ARHGAP15: variants seen among roughly 807,000 people sequenced by gnomAD.
ARHGAP15 encodes Rho GTPase activating protein 15.
Under a neutral mutation model 63.7 loss-of-function variants are expected in ARHGAP15, and 51 were observed. That is an observed-to-expected ratio of 0.80 (90% CI 0.64 to 1.01). ARHGAP15 has a LOEUF of 1.01. Ranked by LOEUF, ARHGAP15 falls within the 50% of genes least tolerant of loss-of-function variation. The pLI, the probability that ARHGAP15 is intolerant of heterozygous loss-of-function variation, is 0.00. For missense variants in ARHGAP15, 560 were observed against 564.6 expected, an observed-to-expected ratio of 0.99 and a Z score of 0.08; for synonymous variants, 191 against 193.8, an observed-to-expected ratio of 0.99 and a Z score of 0.12.
intron 8 of ARHGAP15, among the ~76,000 whole-genome samples, chr2:143,474,512 A>G (rs1691724103): frequency 6.6e-6 from 1 of 152,222 alleles, no homozygotes; most frequent in South Asian, 2.1e-4. Context: ...GGCACCTCGA[A>G]CAACAGAACT....
At chr2:143,611,185 T>A (rs1275706694) in intron 11 of ARHGAP15, among the ~76,000 whole-genome samples, 1 of 152,222 alleles carries the variant, frequency 6.6e-6, no homozygotes, top group Non-Finnish European at 1.5e-5. Context: ...GTTTTTTTAA[T>A]GTAATGGTTT....
chr2:143,379,533 ATGAG>A (rs1197142333), intron 6 of ARHGAP15, among the ~76,000 whole-genome samples: 3 of 85,954 alleles, frequency 3.5e-5, no homozygotes, highest in African/African-American at 8.3e-5. Context: ...GTGTGTGTGT[ATGAG>A]AGAGAGAGAA....
intron 6 of ARHGAP15, among the ~76,000 whole-genome samples, chr2:143,267,431 A>C (rs1456420790): frequency 6.6e-6 from 1 of 152,210 alleles, no homozygotes; most frequent in Non-Finnish European, 1.5e-5. Flanking sequence ...ATGCCGATTC[A>C]TATCTATTTT....
At chr2:143,431,089 C>T (rs4429411) in intron 6 of ARHGAP15, among the ~76,000 whole-genome samples, 135,133 of 151,978 alleles carry the variant, frequency 0.89, 60,453 homozygotes, top group Middle Eastern at 0.97. Flanking sequence ...AAAATCAGAG[C>T]TAGGATTTTG....
At chr2:143,180,583 C>A (rs1258841382) in intron 2 of ARHGAP15, among the ~76,000 whole-genome samples, 4 of 152,180 alleles carry the variant, frequency 2.6e-5, no homozygotes, top group African/African-American at 9.7e-5. Flanking sequence ...ATGGTAAATC[C>A]TTTTTAGAAG....
At chr2:143,738,935 A>G (rs1193037412) in intron 13 of ARHGAP15, among the ~76,000 whole-genome samples, 1 of 152,194 alleles carries the variant, frequency 6.6e-6, no homozygotes, top group Non-Finnish European at 1.5e-5. Context: ...ATTGGGAGAA[A>G]AAGGAATATT....
intron 2 of ARHGAP15, among the ~76,000 whole-genome samples, chr2:143,189,708 C>A (rs1691603717): frequency 6.6e-6 from 1 of 151,796 alleles, no homozygotes. Context: ...GTGATCCACC[C>A]ACCTCAGCCT....
At chr2:143,460,024 A>G (rs555825170) in intron 8 of ARHGAP15, among the ~76,000 whole-genome samples, 32 of 152,256 alleles carry the variant, frequency 2.1e-4, no homozygotes, top group African/African-American at 7.7e-4. Flanking sequence ...TATCTGTTAA[A>G]TAAGTGAATG....
chr2:143,689,638 A>G (rs770809597), intron 12 of ARHGAP15, among the ~76,000 whole-genome samples: 1 of 152,176 alleles, frequency 6.6e-6, no homozygotes, highest in Non-Finnish European at 1.5e-5. Context: ...TATCTAGCAT[A>G]CTTGTTCTCT....
chr2:143,216,477 A>G (rs762520141), intron 4 of ARHGAP15, 32 bp downstream of exon 4: 2 of 1,479,464 alleles, frequency 1.4e-6, no homozygotes. Flanking sequence ...CTTTTATATA[A>G]CTATGCTGGT....
chr2:143,550,611 G>A (rs1574621806), intron 10 of ARHGAP15, among the ~76,000 whole-genome samples: 1 of 152,196 alleles, frequency 6.6e-6, no homozygotes, highest in East Asian at 1.9e-4. Context: ...GTGAATGCTG[G>A]TTTGGACAGC....
chr2:143,436,894 A>G lies in ARHGAP15; in HGVS notation c.574-19A>G. On this transcript the variant is annotated intron_variant, in intron 7 of 13. Transcript: ENST00000295095. ...TCTTTCTAGTAAAATTATTCAGTCT[A>G]ATTATTTGCTGTTTCCAGCCAAAGG... The G allele has an allele frequency of 6.2e-7, 1 of 1,602,716 alleles. No individual in the cohort carries two copies. The highest frequency in any genetic ancestry group is 2.2e-5 in the East Asian group (1 of 44,724).
chr2:143,586,877 A>ATCTCAATC (rs1032931819), intron 11 of ARHGAP15, among the ~76,000 whole-genome samples: 15 of 151,328 alleles, frequency 9.9e-5, no homozygotes, highest in South Asian at 4.2e-4. Context: ...ATTTTACTCA[A>ATCTCAATC]TCTCAATCTC....
chr2:143,325,046 T>A (rs1207795250), intron 6 of ARHGAP15, among the ~76,000 whole-genome samples: 1 of 152,154 alleles, frequency 6.6e-6, no homozygotes, highest in Non-Finnish European at 1.5e-5. Context: ...GTTTTATTAT[T>A]TCTTATGAAT....
intron 10 of ARHGAP15, among the ~76,000 whole-genome samples, chr2:143,538,816 A>C (rs561777240): frequency 1.3e-5 from 2 of 152,340 alleles, no homozygotes; most frequent in East Asian, 3.9e-4. Context: ...ACCAATGTTC[A>C]TCAAGGATAT....
At chr2:143,328,251 C>A (rs1300327253) in intron 6 of ARHGAP15, among the ~76,000 whole-genome samples, 1 of 151,994 alleles carries the variant, frequency 6.6e-6, no homozygotes, top group African/African-American at 2.4e-5. Flanking sequence ...GAGTATATAC[C>A]CAATTAATTA....
chr2:143,466,717 A>G (rs980964755), intron 8 of ARHGAP15, among the ~76,000 whole-genome samples: 1 of 152,068 alleles, frequency 6.6e-6, no homozygotes, highest in African/African-American at 2.4e-5. Flanking sequence ...CTATCCTCAC[A>G]TCATTTTTAG....
intron 11 of ARHGAP15, among the ~76,000 whole-genome samples, chr2:143,619,970 C>A (rs1055162856): frequency 6.6e-6 from 1 of 152,112 alleles, no homozygotes; most frequent in Non-Finnish European, 1.5e-5. Context: ...TTTTGTTGAT[C>A]CCGTTCAAGA....
chr2:143,235,903 T>G, intron 5 of ARHGAP15: 2 of 1,526,546 alleles, frequency 1.3e-6, no homozygotes, highest in Non-Finnish European at 8.8e-7. Flanking sequence ...GCACTTCATT[T>G]GCAGCTTGAC....
Sources: gnomAD v4.1 joint callset for allele counts (sites outside exome capture counted in the v4.1 genomes callset) on GRCh38, gnomAD v4.1.1 for gene constraint, MANE v1.5 for transcripts, NCBI Gene and HGNC (gene_info 2026-07-23, HGNC 2026-07-21) for gene names.